MRE11: variants seen among roughly 807,000 people sequenced by gnomAD.
MRE11 encodes MRE11 double strand break repair nuclease.
A neutral mutation model predicts 91.7 loss-of-function variants in MRE11; 62 were observed. The ratio of observed to expected loss-of-function variants is 0.68; its 90% CI spans 0.55 to 0.84. MRE11 has a LOEUF of 0.84. Ranked by LOEUF, MRE11 falls within the 40% of genes least tolerant of loss-of-function variation. MRE11 has a pLI of 0.00. For synonymous variants in MRE11, 273 were observed against 271.4 expected (o/e 1.01, Z -0.06); for missense variants, 796 against 852.9 (o/e 0.93, Z 0.83).
chr11:94,446,918 A>G (rs2134904247), intron 15 of MRE11, among the ~76,000 whole-genome samples: 1 of 152,314 alleles, frequency 6.6e-6, no homozygotes, highest in East Asian at 1.9e-4. Flanking sequence ...GCACATGTGA[A>G]AATACATATG....
At chr11:94,446,008 A>G (rs1229416600) in intron 15 of MRE11, 115 bp from the exon 16 acceptor site, 1 of 785,242 alleles carries the variant, frequency 1.3e-6, no homozygotes, top group Non-Finnish European at 2.2e-6. Context: ...GTCTGTAAAA[A>G]GCCAGACATA....
In MRE11 at chr11:94,442,707, T is replaced by A. The variant is rs546734079; in HGVS notation, c.1867+3103A>T. The stretch of plus-strand genomic sequence containing the variant: ...TGTGCCAGGCTTTTTGATCATTTAA[T>A]CTTCAGAATAACCCAATACAATAGA... On this transcript the variant is annotated intron_variant, in intron 16 of 19. Transcript: ENST00000323929. Among the ~76,000 whole-genome samples, 6 of 152,352 alleles carry A rather than the reference T, an allele frequency of 3.9e-5. No homozygotes were observed. In the East Asian group the frequency reaches 1.2e-3, roughly 29 times the overall value.
At chr11:94,464,083 T>C (rs1591680484) in intron 11 of MRE11, 30 bp downstream of exon 11, 1 of 1,603,910 alleles carries the variant, frequency 6.2e-7, no homozygotes, top group East Asian at 2.2e-5. Context: ...ATAAGAACAT[T>C]TTTTTACCTC....
chr11:94,511,224 GAGAA>G, the MRE11 span, among the ~76,000 whole-genome samples: 3 of 152,132 alleles, frequency 2.0e-5, no homozygotes, highest in Admixed American at 6.5e-5. Context: ...TCTCTACAGA[GAGAA>G]AGAAAGAGAG....
intron 13 of MRE11, among the ~76,000 whole-genome samples, chr11:94,457,873 CCT>C (rs71305376): frequency 1.2e-4 from 17 of 144,396 alleles, no homozygotes; most frequent in Admixed American, 4.8e-4. Context: ...TCTCTCTCTC[CCT>C]CTCTCTCTCT....
At position 94,419,495 on chromosome 11, in the gene MRE11, A is replaced by AGAGAGAG. The variant is rs1565195505; in HGVS notation, c.*629_*630insCTCTCTC. 2 of 232,028 alleles carry AGAGAGAG rather than the reference A, an allele frequency of 8.6e-6. No individual in the cohort carries two copies. Among genetic ancestry groups the AGAGAGAG allele is most frequent in the African/African-American group, 2.2e-5 (1 of 45,036 alleles). The allele number at this position is 232,028 out of a possible 1,614,324, so 14.4% of individuals were successfully genotyped here. On this transcript the variant is annotated 3_prime_UTR_variant, in exon 20 of 20. Transcript: ENST00000323929. ...GAGAGAGAGAGAGAGAGAGAGAGAG[A>AGAGAGAG]ACACCATTAAGGATACAGAATAATA...
intron 19 of MRE11, among the ~76,000 whole-genome samples, chr11:94,423,999 T>G (rs1166778365): frequency 6.6e-6 from 1 of 152,116 alleles, no homozygotes; most frequent in East Asian, 1.9e-4. Context: ...GGCCTCTGTC[T>G]AAGGGAGCCC....
At chr11:94,498,404 C>T (rs765714540), upstream of MRE11, 12 of 1,613,432 alleles carry the variant, frequency 7.4e-6, no homozygotes, top group Admixed American at 6.7e-5. Flanking sequence ...CCTGATGAAC[C>T]GTTACGTCAA....
At chr11:94,456,227 G>A in intron 14 of MRE11, 49 bp downstream of exon 14, 1 of 1,541,022 alleles carries the variant, frequency 6.5e-7, no homozygotes, top group Non-Finnish European at 9.0e-7. Flanking sequence ...GGTTATTCTA[G>A]TTTAAGAAAG....
intron 4 of MRE11, among the ~76,000 whole-genome samples, chr11:94,480,306 C>T (rs1049901353): frequency 3.3e-5 from 5 of 152,162 alleles, no homozygotes; most frequent in African/African-American, 7.2e-5. Flanking sequence ...TTTTCTTTCT[C>T]CTTACATAAA....
At chr11:94,453,072 C>G (rs7128673) in intron 14 of MRE11, among the ~76,000 whole-genome samples, 50,444 of 151,968 alleles carry the variant, frequency 0.33, 8,618 homozygotes, top group African/African-American at 0.41. Context: ...TAAGTAGAGT[C>G]ATATAATATT....
intron 19 of MRE11, among the ~76,000 whole-genome samples, chr11:94,429,683 A>C (rs1945411242): frequency 6.6e-6 from 1 of 152,202 alleles, no homozygotes; most frequent in Admixed American, 6.5e-5. Flanking sequence ...GGCTGAGAGT[A>C]GGATGTGTGT....
intron 14 of MRE11, 124 bp downstream of exon 14, chr11:94,456,152 T>C: frequency 1.2e-6 from 1 of 847,252 alleles, no homozygotes; most frequent in South Asian, 1.5e-5. Context: ...GCAGCCATCC[T>C]AAGCCAACCC....
chr11:94,441,546 A>G (rs575984066), intron 16 of MRE11, among the ~76,000 whole-genome samples: 5 of 152,348 alleles, frequency 3.3e-5, no homozygotes, highest in South Asian at 2.1e-4. Flanking sequence ...GAAAGAGGCC[A>G]AAGACATTCA....
intron 19 of MRE11, among the ~76,000 whole-genome samples, chr11:94,426,158 T>C (rs772278411): frequency 6.6e-6 from 1 of 152,100 alleles, no homozygotes; most frequent in Non-Finnish European, 1.5e-5. Flanking sequence ...AAAAGAGATA[T>C]CAATATTAAG....
chr11:94,492,530 A>G, intron 2 of MRE11: 1 of 653,316 alleles, frequency 1.5e-6, no homozygotes. Flanking sequence ...ATGAAGCCTA[A>G]GAACATAAAC....
rs142771820 is a variant in MRE11, at chr11:94,477,325, A to G, written c.545-922T>C. 2.3e-3 allele frequency among the ~76,000 whole-genome samples: 350 copies of G among 152,346 alleles called. 1 individual carries two copies. The highest frequency in any genetic ancestry group is 4.6e-3 in the Admixed American group (71 of 15,300). On this transcript the variant is annotated intron_variant, in intron 6 of 19. Coordinates refer to ENST00000323929, the MANE Select transcript of MRE11 (RefSeq NM_005591.4). ...ATTGTGCTTTTTAAATAACTCAATG[A>G]CTTTCAAACAATTCTCATACTCCAC...
intron 16 of MRE11, among the ~76,000 whole-genome samples, chr11:94,442,251 G>C (rs555358921): frequency 6.6e-6 from 1 of 152,206 alleles, no homozygotes; most frequent in East Asian, 1.9e-4. Flanking sequence ...ACCATCTTTA[G>C]ATTCATCACA....
At chr11:94,500,601 G>T in the MRE11 span, among the ~76,000 whole-genome samples, 3 of 152,052 alleles carry the variant, frequency 2.0e-5, no homozygotes, top group Non-Finnish European at 2.9e-5. Flanking sequence ...CATAACTAAG[G>T]GTTTAATTTT....
Sources: gnomAD v4.1 joint callset for allele counts (sites outside exome capture counted in the v4.1 genomes callset) on GRCh38, gnomAD v4.1.1 for gene constraint, MANE v1.5 for transcripts, NCBI Gene and HGNC (gene_info 2026-07-23, HGNC 2026-07-21) for gene names.